CKAP4: variants seen among roughly 807,000 people sequenced by gnomAD.
CKAP4 encodes the protein cytoskeleton-associated protein 4.
A neutral mutation model predicts 24.4 loss-of-function variants in CKAP4; 20 were observed. The observed-to-expected ratio is 0.82, with a 90% CI of 0.58 to 1.19. The LOEUF is 1.19. Ranked by LOEUF, CKAP4 falls within the 50% of genes most tolerant of loss-of-function variation. The pLI, the probability that CKAP4 is intolerant of heterozygous loss-of-function variation, is 0.00. For missense variants in CKAP4, 744 were observed against 765.3 expected (o/e 0.97, Z 0.33); for synonymous variants, 378 against 351.7 (o/e 1.07, Z -0.84).
intron 1 of CKAP4, among the ~76,000 whole-genome samples, chr12:106,244,658 T>C (rs1478928455): frequency 6.6e-6 from 1 of 152,082 alleles, no homozygotes; most frequent in East Asian, 1.9e-4. Context: ...GACGTGCTTG[T>C]GCATGCCTGT....
chr12:106,237,992 G>GTTTTTTTTTTTTTTTTT lies in CKAP4; in HGVS notation c.*1015_*1031dup. The GTTTTTTTTTTTTTTTTT allele has an allele frequency of 2.8e-5, 2 of 70,512 alleles. No individual in the cohort carries two copies. Among genetic ancestry groups the GTTTTTTTTTTTTTTTTT allele is most frequent in the African/African-American group, 6.2e-5 (1 of 16,246 alleles). The allele number at this position is 70,512 out of a possible 1,614,324, so 4.4% of individuals were successfully genotyped here. A position where few individuals can be genotyped will look rare whatever the true frequency, so the allele number is the denominator to read the frequency against. On this transcript the variant is annotated 3_prime_UTR_variant, in exon 2 of 2. Transcript: ENST00000378026. ...TTTTTTTTTTTTTTTTACTTTTCGG[G>GTTTTTTTTTTTTTTTTT]TTTTTTTTTTTTTTTTTTTTTCAAT...
chr12:106,244,092 T>C (rs928026957), intron 1 of CKAP4, among the ~76,000 whole-genome samples: 2 of 152,238 alleles, frequency 1.3e-5, no homozygotes, highest in Admixed American at 1.3e-4. Flanking sequence ...AAATAATTTA[T>C]TTACTGGCCA....
chr12:106,240,292 G>A lies in CKAP4; in HGVS notation c.541C>T (p.His181Tyr). ...TFESILRSSQHKQDLTEKAVK... is the reference protein window; with the variant it reads ...TFESILRSSQYKQDLTEKAVK... ...GCTTTCTCTGTGAGGTCTTGTTTATGTTGGGAGCTTCTCAAGATGGACTCA... is the reference window on the plus strand; with the variant it reads ...GCTTTCTCTGTGAGGTCTTGTTTATATTGGGAGCTTCTCAAGATGGACTCA... Residue 181 changes from histidine to tyrosine, a missense_variant, in exon 2 of 2, where the codon CAT becomes TAT. Around this residue, in one of 3 missense-constraint regions of CKAP4, gnomAD observed 300 missense variants for 264.5 expected, o/e 1.13. Transcript: ENST00000378026. The A allele has an allele frequency of 4.3e-6, 7 of 1,614,174 alleles. No individual in the cohort carries two copies. Among genetic ancestry groups the A allele is most frequent in the African/African-American group, 1.3e-5 (1 of 75,044 alleles).
intron 1 of CKAP4, among the ~76,000 whole-genome samples, chr12:106,245,108 A>G (rs1176552874): frequency 6.6e-6 from 1 of 151,788 alleles, no homozygotes; most frequent in African/African-American, 2.4e-5. Flanking sequence ...CAGGGTAGCC[A>G]CCTCCTCTCT....
chr12:106,238,866 T>C lies in CKAP4; in HGVS notation c.*158A>G, dbSNP rs1400974161. The C allele has an allele frequency of 1.3e-6, 1 of 767,372 alleles. No individual in the cohort carries two copies. Among genetic ancestry groups the C allele is most frequent in the African/African-American group, 1.7e-5 (1 of 57,660 alleles). The allele number at this position is 767,372 out of a possible 1,614,324, so 47.5% of individuals were successfully genotyped here. A position where few individuals can be genotyped will look rare whatever the true frequency, so the allele number is the denominator to read the frequency against. ...ACTTAAATATTGTAAATAAGTTAAC[T>C]GGGCATGAAAATACAATGCCTTGGT... On this transcript the variant is annotated 3_prime_UTR_variant, in exon 2 of 2. Coordinates refer to ENST00000378026, the MANE Select transcript of CKAP4 (RefSeq NM_006825.4).
chr12:106,241,699 G>C (rs569165197), intron 1 of CKAP4, among the ~76,000 whole-genome samples: 1 of 152,158 alleles, frequency 6.6e-6, no homozygotes, highest in African/African-American at 2.4e-5. Flanking sequence ...GCTCTTTAGA[G>C]GCCCTAAAGC....
chr12:106,239,851 G>C lies in CKAP4; in HGVS notation c.982C>G (p.Leu328Val), dbSNP rs2033954748. The change falls in exon 2 of 2, where the codon CTG (leucine) becomes GTG (valine). Residue 328 changes from leucine to valine, a missense_variant. Physicochemically the swap from Leu to Val is conservative, Grantham distance 32 (BLOSUM62 1). This residue lies in a region of CKAP4 where 401 missense variants were observed against 424.5 expected (regional missense o/e 0.94). Coordinates refer to ENST00000378026, the MANE Select transcript of CKAP4 (RefSeq NM_006825.4). The surrounding 1 kb of genome is among the most constrained non-coding windows in gnomAD (Gnocchi z 4.9). ...TGCTGCTCCTGCTTGAGGCTCACCA[G>C]CTCGCGGACCTCGGTGTAGATGTCA... is the stretch of plus-strand genomic sequence containing the variant. Reference protein sequence around the residue: ...ESDIYTEVRELVSLKQEQQAF... With the variant: ...ESDIYTEVREVVSLKQEQQAF... 3 of 1,614,084 alleles carry C rather than the reference G, an allele frequency of 1.9e-6. No individual in the cohort carries two copies. The highest frequency in any genetic ancestry group is 2.5e-6 in the Non-Finnish European group (3 of 1,180,000).
Position 106,240,215 on chromosome 12 carries a change from T to C in CKAP4, c.618A>G (p.Lys206=), listed in dbSNP as rs1419374327. Residue 206 remains lysine (K), a synonymous_variant, in exon 2 of 2, where the codon AAA becomes AAG. Coordinates refer to ENST00000378026, the MANE Select transcript of CKAP4 (RefSeq NM_006825.4). ...EVSRISEVLQ[K]LQNEILKDLS... Reference sequence around the variant, plus strand: ...GGTCTTTGAGAATCTCATTCTGGAGTTTCTGCAGCACTTCGCTGATCCGGC... The same window carrying C: ...GGTCTTTGAGAATCTCATTCTGGAGCTTCTGCAGCACTTCGCTGATCCGGC... The C allele has an allele frequency of 6.2e-7, 1 of 1,613,840 alleles. No individual in the cohort carries two copies. The highest frequency in any genetic ancestry group is 1.3e-5 in the African/African-American group (1 of 74,932).
chr12:106,244,299 G>A (rs1299105081), intron 1 of CKAP4, among the ~76,000 whole-genome samples: 2 of 152,174 alleles, frequency 1.3e-5, no homozygotes, highest in African/African-American at 2.4e-5. Context: ...CTATATCACC[G>A]CTCAGTTACT....
At position 106,238,946 on chromosome 12, in the gene CKAP4, G is replaced by A; in HGVS notation, c.*78C>T. 1 of 1,508,456 alleles carries A rather than the reference G, an allele frequency of 6.6e-7. No individual in the cohort carries two copies. Among genetic ancestry groups the A allele is most frequent in the South Asian group, 1.2e-5 (1 of 80,542 alleles). 93.4% of individuals were successfully genotyped at this position (1,508,456 alleles called of 1,614,324 possible). On this transcript the variant is annotated 3_prime_UTR_variant, in exon 2 of 2. Transcript: ENST00000378026. ...GGGGACAAGAAATTGGGGGGTAGGGGACACATGGGAAAAAACCACACATTT... is the reference window on the plus strand; with the variant it reads ...GGGGACAAGAAATTGGGGGGTAGGGAACACATGGGAAAAAACCACACATTT...
At position 106,237,992 on chromosome 12, in the gene CKAP4, G is replaced by GTTTTTTTTTTTTTTT; in HGVS notation, c.*1017_*1031dup. ...TTTTTTTTTTTTTTTTACTTTTCGG[G>GTTTTTTTTTTTTTTT]TTTTTTTTTTTTTTTTTTTTTCAAT... On this transcript the variant is annotated 3_prime_UTR_variant, in exon 2 of 2. Coordinates refer to ENST00000378026, the MANE Select transcript of CKAP4 (RefSeq NM_006825.4). 4.3e-5 allele frequency: 3 copies of GTTTTTTTTTTTTTTT among 70,512 alleles called. No individual in the cohort carries two copies. Among genetic ancestry groups the GTTTTTTTTTTTTTTT allele is most frequent in the South Asian group, 7.3e-4 (1 of 1,364 alleles). The allele number at this position is 70,512 out of a possible 1,614,324, so 4.4% of individuals were successfully genotyped here. A position where few individuals can be genotyped will look rare whatever the true frequency, so the allele number is the denominator to read the frequency against.
intron 1 of CKAP4, among the ~76,000 whole-genome samples, chr12:106,242,256 G>A (rs765820327): frequency 3.3e-5 from 5 of 152,222 alleles, no homozygotes; most frequent in Non-Finnish European, 7.3e-5. Context: ...AGCACATAGT[G>A]AACACTCAAT....
At chr12:106,244,463 A>G (rs2033991176) in intron 1 of CKAP4, among the ~76,000 whole-genome samples, 1 of 152,206 alleles carries the variant, frequency 6.6e-6, no homozygotes, top group African/African-American at 2.4e-5. Flanking sequence ...ATTAAATTAT[A>G]GTTTGATTAC....
In CKAP4 at chr12:106,247,490, G is replaced by A. The variant is rs545073070; in HGVS notation, c.362C>T (p.Ala121Val). 4.6e-4 allele frequency: 707 copies of A among 1,544,872 alleles called. 17 individuals carry two copies. In the South Asian group the frequency reaches 7.9e-3, roughly 17 times the overall value. The change falls in exon 1 of 2, where the codon GCT (alanine) becomes GTT (valine). Residue 121 changes from alanine (A) to valine (V), a missense_variant. Ala to Val is a moderately conservative substitution (Grantham distance 64). Coordinates refer to ENST00000378026, the MANE Select transcript of CKAP4 (RefSeq NM_006825.4). The surrounding 1 kb of genome is among the most constrained non-coding windows in gnomAD (Gnocchi z 4.5). ...LFYLALVAAA[A>V]FSGWCVHHVL... ...GTGGTGGACGCACCAGCCCGAGAAA[G>A]CGGCCGCCGCCACCAGGGCGAGGTA... is the stretch of plus-strand genomic sequence containing the variant.
At chr12:106,243,084 T>C (rs569965444) in intron 1 of CKAP4, among the ~76,000 whole-genome samples, 3 of 152,290 alleles carry the variant, frequency 2.0e-5, no homozygotes, top group Admixed American at 1.3e-4. Flanking sequence ...AGAGATGAAA[T>C]AATGGCTAGG....
Position 106,247,338 on chromosome 12 carries a change from TG to T in CKAP4, c.483+30del. 1 of 1,508,340 alleles carries T rather than the reference TG, an allele frequency of 6.6e-7. No individual in the cohort carries two copies. Among genetic ancestry groups the T allele is most frequent in the Non-Finnish European group, 8.8e-7 (1 of 1,131,308 alleles). 93.4% of individuals were successfully genotyped at this position (1,508,340 alleles called of 1,614,324 possible). On this transcript the variant is annotated intron_variant, in intron 1 of 1. Transcript: ENST00000378026. The surrounding 1 kb of genome is among the most constrained non-coding windows in gnomAD (Gnocchi z 4.5). ...CCGTGGGTCCGGAGGCCGCAGTCGA[TG>T]GGGACAGTTGCGGGGCCGGGGGTAC...
At position 106,239,540 on chromosome 12, in the gene CKAP4, G is replaced by A. The variant is rs141286454; in HGVS notation, c.1293C>T (p.Thr431=). Residue 431 remains threonine (T), a synonymous_variant, in exon 2 of 2, where the codon ACC becomes ACT. Transcript: ENST00000378026. This position sits in a 1 kb window ranked among gnomAD's most constrained non-coding sequence, Gnocchi z 4.9. Reference sequence around the variant, plus strand: ...TGGACAGGAGGGACTCCAGGCTCTCGGTCTGGCGCGCAGAAGCCACCTGCA... The same window carrying A: ...TGGACAGGAGGGACTCCAGGCTCTCAGTCTGGCGCGCAGAAGCCACCTGCA... The part of the protein sequence containing the change: ...LSMQVASARQ[T]ESLESLLSKS... The A allele has an allele frequency of 2.9e-4, 471 of 1,611,404 alleles. 4 individuals are homozygous for A. In the African/African-American group the frequency reaches 3.4e-3, roughly 12 times the overall value.
intron 1 of CKAP4, chr12:106,245,490 T>C (rs148274358): frequency 6.6e-6 from 1 of 151,998 alleles, no homozygotes; most frequent in Non-Finnish European, 1.5e-5. Flanking sequence ...ACATTCAGGA[T>C]AGGCAAAGCA....
Position 106,247,179 on chromosome 12 carries a change from A to G in CKAP4, c.483+190T>C, listed in dbSNP as rs1158156295. Among the ~76,000 whole-genome samples the G allele has an allele frequency of 2.6e-5, 4 of 152,044 alleles. No homozygotes were observed. The highest frequency in any genetic ancestry group is 2.6e-4 in the Admixed American group (4 of 15,284). On this transcript the variant is annotated intron_variant, in intron 1 of 1. Transcript: ENST00000378026. This position sits in a 1 kb window ranked among gnomAD's most constrained non-coding sequence, Gnocchi z 4.5. ...AGCCATTAACAAAGGGGGTCTGGGG[A>G]CTGCCTCGGAACTAGGGGGCCGCGT...
Sources: gnomAD v4.1 joint callset for allele counts (sites outside exome capture counted in the v4.1 genomes callset) on GRCh38, gnomAD v4.1.1 for gene constraint, gnomAD v4.1.1 regional missense constraint, Gnocchi (gnomAD v3.1) non-coding constraint, MANE v1.5 for transcripts, NCBI Gene and HGNC (gene_info 2026-07-23, HGNC 2026-07-21) for gene names.